CCDC3: variants seen among roughly 807,000 people sequenced by gnomAD.
CCDC3 encodes the protein coiled-coil domain containing 3.
Under a neutral mutation model 21.4 loss-of-function variants are expected in CCDC3, and 24 were observed. The observed-to-expected ratio is 1.12, with a 90% CI of 0.81 to 1.58. CCDC3 has a LOEUF of 1.58. Among genes scored for constraint, CCDC3 ranks in the 40% most tolerant of loss-of-function variants. The pLI is 0.00. For missense variants in CCDC3, 425 were observed against 360.9 expected (o/e 1.18, Z -1.44); for synonymous variants, 186 against 166.0 (o/e 1.12, Z -0.93).
chr10:13,040,751 A>G (rs1160733774), intron 5 of CCDC3, among the ~76,000 whole-genome samples: 3 of 151,408 alleles, frequency 2.0e-5, no homozygotes, highest in Non-Finnish European at 2.9e-5. Context: ...GAGCCAACCA[A>G]TGAGGACAGG....
chr10:12,955,664 C>G (rs565091341), intron 2 of CCDC3, among the ~76,000 whole-genome samples: 157 of 152,250 alleles, frequency 1.0e-3, no homozygotes, highest in Non-Finnish European at 1.7e-3. Flanking sequence ...GTGATCCTCC[C>G]ACCTCAGCCT....
intron 3 of CCDC3, among the ~76,000 whole-genome samples, chr10:13,087,523 G>T (rs989969130): frequency 2.6e-5 from 4 of 152,034 alleles, no homozygotes; most frequent in African/African-American, 9.7e-5. Flanking sequence ...CAGAAGACCA[G>T]ATAGAAGGCT....
intron 2 of CCDC3, among the ~76,000 whole-genome samples, chr10:12,979,203 A>T (rs1835461020): frequency 6.6e-6 from 1 of 152,078 alleles, no homozygotes; most frequent in Admixed American, 6.5e-5. Flanking sequence ...ACTTATCTTC[A>T]CAGGACAAGG....
chr10:12,985,005 T>C (rs188303536), intron 2 of CCDC3, among the ~76,000 whole-genome samples: 3 of 152,336 alleles, frequency 2.0e-5, no homozygotes, highest in South Asian at 2.1e-4. Flanking sequence ...TATGTGGATA[T>C]ACTGAAAACC....
At chr10:13,072,346 T>C (rs1010566274) in intron 4 of CCDC3, among the ~76,000 whole-genome samples, 1 of 151,252 alleles carries the variant, frequency 6.6e-6, no homozygotes, top group African/African-American at 2.4e-5. Context: ...TTAATTTTGG[T>C]CATCATCCTT....
chr10:13,005,069 G>A (rs1280911510), upstream of CCDC3, among the ~76,000 whole-genome samples: 9 of 152,180 alleles, frequency 5.9e-5, no homozygotes, highest in South Asian at 2.1e-4. Context: ...AACTGCCCAC[G>A]AATCAGTGTC....
intron 2 of CCDC3, among the ~76,000 whole-genome samples, chr10:12,932,912 A>T (rs1395901480): frequency 6.6e-6 from 1 of 152,126 alleles, no homozygotes; most frequent in African/African-American, 2.4e-5. Context: ...CCATCTATTG[A>T]TATGATCATG....
chr10:12,924,146 A>G, intron 2 of CCDC3, among the ~76,000 whole-genome samples: 1 of 152,204 alleles, frequency 6.6e-6, no homozygotes, highest in East Asian at 1.9e-4. Flanking sequence ...AAGCTGAGTT[A>G]TGGGGGACCC....
intron 2 of CCDC3, among the ~76,000 whole-genome samples, chr10:12,904,133 G>A (rs79293367): frequency 0.023 from 3,538 of 152,044 alleles, 150 homozygotes; most frequent in African/African-American, 0.08. Flanking sequence ...GGAGCATCTG[G>A]TGGTTCCACT....
intron 5 of CCDC3, among the ~76,000 whole-genome samples, chr10:13,006,992 T>C (rs1835931758): frequency 6.6e-6 from 1 of 152,210 alleles, no homozygotes; most frequent in Non-Finnish European, 1.5e-5. Flanking sequence ...TTCTGATTAC[T>C]AGTATGCCCC....
chr10:12,918,570 T>G (rs1003414161), intron 2 of CCDC3, among the ~76,000 whole-genome samples: 7 of 152,328 alleles, frequency 4.6e-5, no homozygotes, highest in Middle Eastern at 3.4e-3. Context: ...TTCTTCTCAT[T>G]ACCTATCTAG....
chr10:12,975,983 C>T (rs1835411950), intron 2 of CCDC3, among the ~76,000 whole-genome samples: 1 of 152,198 alleles, frequency 6.6e-6, no homozygotes, highest in Admixed American at 6.5e-5. Flanking sequence ...AGATGCAAAT[C>T]CCTGCAGAGG....
At chr10:13,021,025 A>G (rs1356702999) in intron 5 of CCDC3, among the ~76,000 whole-genome samples, 1 of 152,188 alleles carries the variant, frequency 6.6e-6, no homozygotes, top group Non-Finnish European at 1.5e-5. Context: ...ATACAACTTC[A>G]GCTTTTTGGA....
At chr10:12,907,467 A>G (rs1834191217) in intron 2 of CCDC3, among the ~76,000 whole-genome samples, 1 of 152,126 alleles carries the variant, frequency 6.6e-6, no homozygotes, top group South Asian at 2.1e-4. Flanking sequence ...CAACATGGCA[A>G]AACCCCATCT....
intron 2 of CCDC3, among the ~76,000 whole-genome samples, chr10:12,926,107 C>T (rs1048030124): frequency 6.6e-6 from 1 of 152,156 alleles, no homozygotes; most frequent in South Asian, 2.1e-4. Context: ...TGGGTAGGGA[C>T]TGGAATACTG....
intron 2 of CCDC3, among the ~76,000 whole-genome samples, chr10:12,958,116 T>C (rs13376975): frequency 0.51 from 77,724 of 151,868 alleles, 22,602 homozygotes; most frequent in Non-Finnish European, 0.65. Context: ...CTTGAGCCCC[T>C]ATTCCTGGCC....
At chr10:12,967,577 C>T (rs914506856) in intron 2 of CCDC3, among the ~76,000 whole-genome samples, 4 of 151,836 alleles carry the variant, frequency 2.6e-5, no homozygotes, top group African/African-American at 9.7e-5. Context: ...GAAAAAAAGT[C>T]TGTGAACTCA....
chr10:12,993,118 G>A (rs1424023720), intron 2 of CCDC3, among the ~76,000 whole-genome samples: 1 of 152,202 alleles, frequency 6.6e-6, no homozygotes, highest in Non-Finnish European at 1.5e-5. Flanking sequence ...CTGGACGGGA[G>A]CAGGCAGCTT....
At chr10:12,899,744 G>A (rs1035022470) in intron 2 of CCDC3, among the ~76,000 whole-genome samples, 4 of 152,030 alleles carry the variant, frequency 2.6e-5, no homozygotes, top group East Asian at 1.9e-4. Flanking sequence ...ATCTGTGTCC[G>A]TTTAAATATG....
Sources: allele counts gnomAD v4.1 joint callset (sites outside exome capture counted in the v4.1 genomes callset), GRCh38; gene constraint gnomAD v4.1.1; transcripts MANE v1.5; gene names NCBI Gene and HGNC (gene_info 2026-07-23, HGNC 2026-07-21).